MYO16: variants seen among roughly 807,000 people sequenced by gnomAD.
MYO16 encodes the protein myosin XVI.
In MYO16, 94 loss-of-function variants were observed where a neutral mutation model predicts 205.3. The ratio of observed to expected loss-of-function variants is 0.46; its 90% CI spans 0.39 to 0.54. The LOEUF is 0.54. Ranked by LOEUF, MYO16 falls within the 20% of genes least tolerant of loss-of-function variation. The pLI is 0.00. For synonymous variants in MYO16, 988 were observed against 954.0 expected, an observed-to-expected ratio of 1.04 and a Z score of -0.66; for missense variants, 2,315 against 2,387.5, an observed-to-expected ratio of 0.97 and a Z score of 0.63.
At chr13:108,798,779 C>T (rs1886878394) in intron 6 of MYO16, among the ~76,000 whole-genome samples, 1 of 137,152 alleles carries the variant, frequency 7.3e-6, no homozygotes, top group Non-Finnish European at 1.5e-5. Context: ...AATCTCGGCT[C>T]ACTGCAAGCT....
chr13:109,131,145 G>A (rs988173770), intron 31 of MYO16, among the ~76,000 whole-genome samples: 3 of 152,138 alleles, frequency 2.0e-5, no homozygotes, highest in African/African-American at 7.2e-5. Flanking sequence ...CAAGGACTAC[G>A]GCTGAAGTTG....
chr13:109,193,842 T>TCC (rs1880033223), intron 34 of MYO16, among the ~76,000 whole-genome samples: 1 of 152,190 alleles, frequency 6.6e-6, no homozygotes, highest in African/African-American at 2.4e-5. Flanking sequence ...ACAGAGCTTT[T>TCC]CTCTCTCTTG....
At chr13:108,528,191 G>A in the MYO16 span, among the ~76,000 whole-genome samples, 2 of 152,150 alleles carry the variant, frequency 1.3e-5, no homozygotes, top group African/African-American at 4.8e-5. Flanking sequence ...AAACAGATTA[G>A]CACTTGTATT....
At chr13:108,576,357 T>C in the MYO16 span, among the ~76,000 whole-genome samples, 9 of 152,270 alleles carry the variant, frequency 5.9e-5, no homozygotes, top group South Asian at 8.3e-4. Context: ...TAAAGTTCTT[T>C]TGGGAAGTAC....
intron 2 of MYO16, among the ~76,000 whole-genome samples, chr13:108,683,136 G>C: frequency 6.6e-6 from 1 of 152,158 alleles, no homozygotes; most frequent in East Asian, 1.9e-4. Flanking sequence ...AGCTGAAGGA[G>C]TTGTATTTCT....
At chr13:108,504,314 A>G in the MYO16 span, among the ~76,000 whole-genome samples, 1 of 150,288 alleles carries the variant, frequency 6.7e-6, no homozygotes. Flanking sequence ...TAGACTAGAG[A>G]TGGGGTTTTG....
chr13:108,602,210 T>C (rs554923743), intron 1 of MYO16, among the ~76,000 whole-genome samples: 12 of 152,038 alleles, frequency 7.9e-5, no homozygotes, highest in African/African-American at 2.4e-4. Context: ...GAGAAGTACA[T>C]GTCTGTGATT....
the MYO16 span, among the ~76,000 whole-genome samples, chr13:108,575,386 T>C: frequency 1.3e-5 from 2 of 152,296 alleles, no homozygotes; most frequent in Admixed American, 6.5e-5. Flanking sequence ...TAGGTCTCAG[T>C]GTTGCAGACC....
chr13:108,733,767 C>G (rs991032285), intron 4 of MYO16, among the ~76,000 whole-genome samples: 12 of 151,964 alleles, frequency 7.9e-5, no homozygotes, highest in African/African-American at 2.9e-4. Context: ...TCGAGACCAT[C>G]CACCATCCTG....
At chr13:109,108,115 TTCTC>T (rs1889175954) in intron 28 of MYO16, among the ~76,000 whole-genome samples, 1 of 152,218 alleles carries the variant, frequency 6.6e-6, no homozygotes, top group Non-Finnish European at 1.5e-5. Context: ...CAGTGTGTCT[TTCTC>T]TCTTTCCACA....
intron 15 of MYO16, among the ~76,000 whole-genome samples, chr13:108,908,972 C>CAAAAAA (rs201906153): frequency 4.2e-4 from 47 of 111,660 alleles, no homozygotes; most frequent in East Asian, 1.8e-3. Context: ...GACTGTGTCT[C>CAAAAAA]AAAAAAAATA....
intron 8 of MYO16, among the ~76,000 whole-genome samples, chr13:108,822,033 A>T (rs1227851767): frequency 1.3e-5 from 2 of 152,212 alleles, no homozygotes; most frequent in Admixed American, 1.3e-4. Flanking sequence ...CAGCAAGAAG[A>T]TAAAACTAGA....
At chr13:108,663,083 G>A (rs1337782450) in intron 1 of MYO16, among the ~76,000 whole-genome samples, 1 of 152,128 alleles carries the variant, frequency 6.6e-6, no homozygotes, top group East Asian at 1.9e-4. Flanking sequence ...TCTGCAGTTG[G>A]GGCACTCATA....
At chr13:108,958,433 A>T (rs1314474704) in intron 17 of MYO16, among the ~76,000 whole-genome samples, 1 of 152,018 alleles carries the variant, frequency 6.6e-6, no homozygotes, top group Non-Finnish European at 1.5e-5. Context: ...TGTCATATTT[A>T]ATTGCACAGA....
chr13:109,184,796 C>T (rs1013940571), intron 34 of MYO16, among the ~76,000 whole-genome samples: 4 of 150,896 alleles, frequency 2.7e-5, no homozygotes, highest in Non-Finnish European at 5.9e-5. Flanking sequence ...ATGGATGGAG[C>T]CTCACTCTGT....
intron 12 of MYO16, among the ~76,000 whole-genome samples, chr13:108,880,236 G>T (rs538252626): frequency 3.3e-5 from 5 of 152,236 alleles, no homozygotes; most frequent in African/African-American, 1.2e-4. Context: ...AAATTTGTTT[G>T]AATTCTTTGT....
intron 32 of MYO16, among the ~76,000 whole-genome samples, chr13:109,156,521 T>C (rs890090994): frequency 6.6e-6 from 1 of 152,246 alleles, no homozygotes; most frequent in South Asian, 2.1e-4. Flanking sequence ...AGCTATAGTT[T>C]GTTTTTCTCC....
Position 109,055,645 on chromosome 13 carries a change from G to A in MYO16, c.3335+50G>A, listed in dbSNP as rs1447288384. 1 of 1,439,928 alleles carries A rather than the reference G, an allele frequency of 6.9e-7. No individual in the cohort carries two copies. Among genetic ancestry groups the A allele is most frequent in the Non-Finnish European group, 9.7e-7 (1 of 1,033,964 alleles). 89.2% of individuals were successfully genotyped at this position (1,439,928 alleles called of 1,614,324 possible). Reference sequence around the variant, plus strand: ...GTCGTTCTCGCTGCTGTTCAGTGCAGTGTACTGACACTGACACTATTGTAG... The same window carrying A: ...GTCGTTCTCGCTGCTGTTCAGTGCAATGTACTGACACTGACACTATTGTAG... On this transcript the variant is annotated intron_variant, in intron 27 of 34. Transcript: ENST00000457511. The surrounding 1 kb of genome is among the most constrained non-coding windows in gnomAD (Gnocchi z 5.0).
At chr13:109,045,357 T>C (rs1166642028) in intron 23 of MYO16, among the ~76,000 whole-genome samples, 1 of 152,240 alleles carries the variant, frequency 6.6e-6, no homozygotes, top group African/African-American at 2.4e-5. Flanking sequence ...AAGTGTCCCC[T>C]GGAGGCTATG....
Sources: gnomAD v4.1 joint callset for allele counts (sites outside exome capture counted in the v4.1 genomes callset) on GRCh38, gnomAD v4.1.1 for gene constraint, Gnocchi (gnomAD v3.1) non-coding constraint, MANE v1.5 for transcripts, NCBI Gene and HGNC (gene_info 2026-07-23, HGNC 2026-07-21) for gene names.